The following KLRC1 variants were observed in gnomAD, a reference collection of about 807,000 sequenced individuals.
KLRC1 encodes killer cell lectin like receptor C1.
Under a neutral mutation model 25.9 loss-of-function variants are expected in KLRC1, and 22 were observed. The ratio of observed to expected loss-of-function variants is 0.85; its 90% CI spans 0.61 to 1.21. The LOEUF (loss-of-function observed/expected upper bound fraction) is 1.21, where lower values mean the gene tolerates loss of function less well. KLRC1 is among the 50% of genes most tolerant of loss of function. The pLI, the probability that KLRC1 is intolerant of heterozygous loss-of-function variation, is 0.00. For synonymous variants in KLRC1, 77 were observed against 93.1 expected (o/e 0.83, Z 0.99); for missense variants, 240 against 272.2 (o/e 0.88, Z 0.83).
upstream of KLRC1, among the ~76,000 whole-genome samples, chr12:10,453,609 CTTG>C (rs1456169348): frequency 6.6e-6 from 1 of 151,962 alleles, no homozygotes; most frequent in Non-Finnish European, 1.5e-5. Flanking sequence ...CAACCCTCAC[CTTG>C]TTAAGAGTGC....
intron 5 of KLRC1, among the ~76,000 whole-genome samples, chr12:10,448,678 C>T (rs528965369): frequency 3.9e-4 from 60 of 152,216 alleles, no homozygotes; most frequent in South Asian, 8.3e-4. Context: ...CAGTAATAAA[C>T]GACAGATAAC....
chr12:10,444,185 CTAAAA>C (rs1318270537), downstream of KLRC1, among the ~76,000 whole-genome samples: 1 of 140,248 alleles, frequency 7.1e-6, no homozygotes, highest in African/African-American at 2.7e-5. Flanking sequence ...ATTGAATGCA[CTAAAA>C]TAAATTAAAA....
At chr12:10,443,633 C>A (rs575647755), downstream of KLRC1, among the ~76,000 whole-genome samples, 8 of 141,684 alleles carry the variant, frequency 5.6e-5, 3 homozygotes, top group African/African-American at 1.6e-4. Flanking sequence ...ACAGAAAGAT[C>A]TGAACTAGAC....
Position 10,449,965 on chromosome 12 carries a change from T to C in KLRC1, c.286A>G (p.Thr96Ala). Residue 96 changes from threonine to alanine, a missense_variant and splice_region_variant, in exon 4 of 7, where the codon ACA becomes GCA. Physicochemically the swap from Thr to Ala is moderately conservative, Grantham distance 58. Coordinates refer to ENST00000359151, the MANE Select transcript of KLRC1 (RefSeq NM_002259.5). Reference sequence around the variant, plus strand: ...GAATTGTTGTGCCTCTGTATTAATGTAGCTAGAAAAATTAAAGTAATCTTT... The same window carrying C: ...GAATTGTTGTGCCTCTGTATTAATGCAGCTAGAAAAATTAAAGTAATCTTT... ...SVVTIVVIPS[T>A]LIQRHNNSSL... is the part of the protein sequence containing the mutation. 3 of 1,471,800 alleles carry C rather than the reference T, an allele frequency of 2.0e-6. No homozygotes were observed. Among genetic ancestry groups the C allele is most frequent in the South Asian group, 1.4e-5 (1 of 69,726 alleles). 91.2% of individuals were successfully genotyped at this position (1,471,800 alleles called of 1,614,324 possible).
intron 3 of KLRC1, chr12:10,450,197 C>A (rs115100501): frequency 0.038 from 16,570 of 430,956 alleles, 426 homozygotes; most frequent in African/African-American, 0.1. Flanking sequence ...CTTGATTTAA[C>A]TACTTTCAAA....
chr12:10,442,360 T>A, downstream of KLRC1: 2 of 408,996 alleles, frequency 4.9e-6, no homozygotes, highest in Non-Finnish European at 8.9e-6. Context: ...ACAACAGAGT[T>A]TAAACACTTG....
chr12:10,447,395 A>G (rs1222421928), intron 6 of KLRC1, 137 bp downstream of exon 6: 5 of 783,020 alleles, frequency 6.4e-6, no homozygotes, highest in Non-Finnish European at 9.8e-6. Context: ...TCTATTGTAA[A>G]ATATTTATGT....
At chr12:10,454,221 T>C (rs2137903371), upstream of KLRC1, 1 of 152,350 alleles carries the variant, frequency 6.6e-6, no homozygotes, top group African/African-American at 2.4e-5. Flanking sequence ...CAGACAAAAG[T>C]TCCTTTGAGG....
In KLRC1 at chr12:10,447,446, G is replaced by C. The variant is rs1864012508; in HGVS notation, c.590+86C>G. ...TTTCCACATCTTTCTTCATCTCTAT[G>C]ATTCCACATAGATTTATTCATATTA... On this transcript the variant is annotated intron_variant, in intron 6 of 6. Coordinates refer to ENST00000359151, the MANE Select transcript of KLRC1 (RefSeq NM_002259.5). 4 of 1,158,134 alleles carry C rather than the reference G, an allele frequency of 3.5e-6. No homozygotes were observed. The Admixed American group carries it at 6.5e-5, about 19-fold the overall frequency. The allele number at this position is 1,158,134 out of a possible 1,614,324, so 71.7% of individuals were successfully genotyped here. A position where few individuals can be genotyped will look rare whatever the true frequency, so the allele number is the denominator to read the frequency against.
intron 5 of KLRC1, 76 bp from the exon 6 acceptor site, chr12:10,447,708 A>G (rs2137889924): frequency 7.7e-7 from 1 of 1,292,702 alleles, no homozygotes. Context: ...AAATTTGAAA[A>G]CCACTATTTG....
At chr12:10,449,417 A>G in intron 4 of KLRC1, 29 bp from the exon 5 acceptor site, 1 of 1,599,554 alleles carries the variant, frequency 6.3e-7, no homozygotes, top group East Asian at 2.2e-5. Flanking sequence ...TACTATCTAG[A>G]CCAATATGAA....
chr12:10,445,351 C>T (rs937224663), downstream of KLRC1, among the ~76,000 whole-genome samples: 1 of 150,580 alleles, frequency 6.6e-6, no homozygotes, highest in Admixed American at 6.6e-5. Context: ...ATCATTCCAA[C>T]TGCTACAAAT....
At chr12:10,450,027 T>C in intron 3 of KLRC1, 60 bp from the exon 4 acceptor site, 1 of 553,904 alleles carries the variant, frequency 1.8e-6, no homozygotes, top group Non-Finnish European at 2.4e-6. Context: ...CATAATAATT[T>C]TAAGTTTTTG....
chr12:10,453,690 C>T (rs74923722), upstream of KLRC1, among the ~76,000 whole-genome samples: 9 of 151,940 alleles, frequency 5.9e-5, no homozygotes, highest in Non-Finnish European at 1.2e-4. Flanking sequence ...TATTATGTCA[C>T]TTCCATTATA....
intron 5 of KLRC1, among the ~76,000 whole-genome samples, chr12:10,448,491 C>T (rs909536434): frequency 6.6e-6 from 1 of 152,170 alleles, no homozygotes; most frequent in African/African-American, 2.4e-5. Context: ...ACTTCCTTCT[C>T]ATACCAAGAG....
chr12:10,449,413 C>G (rs200705945), intron 4 of KLRC1, 25 bp from the exon 5 acceptor site: 2 of 1,601,502 alleles, frequency 1.2e-6, no homozygotes, highest in Non-Finnish European at 1.7e-6. Context: ...GAATTACTAT[C>G]TAGACCAATA....
rs765860138 is a variant in KLRC1 at position 10,451,077 on chromosome 12, T to C, written c.80A>G (p.Asn27Ser). The C allele has an allele frequency of 1.2e-6, 2 of 1,614,120 alleles. No individual in the cohort carries two copies. Among genetic ancestry groups the C allele is most frequent in the Admixed American group, 1.7e-5 (1 of 60,028 alleles). The part of the protein sequence containing the change: ...PKRQQRKPKG[N>S]KNSILATEQE... ...TTCAGTTGCTAAAATGGAGTTTTTA[T>C]TGCCTTTAGGTTTTCGTTGCTGCCT... Residue 27 changes from asparagine to serine, a missense_variant, in exon 2 of 7, where the codon AAT becomes AGT. Asn to Ser is a conservative substitution (Grantham distance 46). Transcript: ENST00000359151.
chr12:10,446,925 C>T (rs1863998511), intron 6 of KLRC1, among the ~76,000 whole-genome samples: 1 of 152,176 alleles, frequency 6.6e-6, no homozygotes, highest in African/African-American at 2.4e-5. Flanking sequence ...TCTACACATT[C>T]ATAACTGTGA....
chr12:10,450,043 A>T (rs1244158875), intron 3 of KLRC1, 76 bp from the exon 4 acceptor site: 7 of 1,140,648 alleles, frequency 6.1e-6, no homozygotes, highest in African/African-American at 4.9e-5. Flanking sequence ...TTTTGTTTGA[A>T]TTTTTTTGTA....
Sources: allele counts gnomAD v4.1 joint callset (sites outside exome capture counted in the v4.1 genomes callset), GRCh38; gene constraint gnomAD v4.1.1; transcripts MANE v1.5; gene names NCBI Gene and HGNC (gene_info 2026-07-23, HGNC 2026-07-21).